DCAF8L2: variants seen among roughly 807,000 people sequenced by gnomAD.
DCAF8L2 encodes DDB1- and CUL4-associated factor 8-like protein 2.
For synonymous variants in DCAF8L2, 200 were observed against 190.9 expected (o/e 1.05, Z -0.39); for missense variants, 430 against 490.7 (o/e 0.88, Z 1.17).
the DCAF8L2 span, among the ~76,000 whole-genome samples, chrX:27,524,258 G>C: frequency 5.4e-5 from 6 of 111,855 alleles, no homozygotes; most frequent in African/African-American, 1.9e-4. Context: ...TTAGTCTTGG[G>C]AGGGTGTATA....
At chrX:27,587,205 T>G (rs906552048), upstream of DCAF8L2, among the ~76,000 whole-genome samples, 9 of 111,702 alleles carry the variant, frequency 8.1e-5, no homozygotes, top group Non-Finnish European at 1.1e-4. Flanking sequence ...ATAGTTACAT[T>G]TAAAGAAATA....
At position 27,748,328 on chromosome X, in the gene DCAF8L2, A is replaced by G. The variant is rs775333139; in HGVS notation, c.1433A>G (p.Tyr478Cys). Residue 478 changes from tyrosine to cysteine, a missense_variant, in exon 5 of 5, where the codon TAT becomes TGT. Tyr to Cys is a radical substitution (Grantham distance 194, BLOSUM62 -2). Transcript: ENST00000451261. ...NNTTVKGVNFYGPRSEFVVSG... is the reference protein window; with the variant it reads ...NNTTVKGVNFCGPRSEFVVSG... ...ACCACAGTCAAAGGTGTTAATTTCT[A>G]TGGCCCCAGGAGTGAGTTTGTAGTG... 45 of 1,207,768 alleles carry G rather than the reference A, an allele frequency of 3.7e-5. No homozygotes were observed. The highest frequency in any genetic ancestry group is 4.6e-4 in the Middle Eastern group (2 of 4,350).
At chrX:27,692,940 T>C (rs1310315296) in intron 3 of DCAF8L2, among the ~76,000 whole-genome samples, 1 of 111,489 alleles carries the variant, frequency 9.0e-6, no homozygotes, top group Non-Finnish European at 1.9e-5. Flanking sequence ...TGAGAAAGCT[T>C]GCCTGAATCC....
the DCAF8L2 span, among the ~76,000 whole-genome samples, chrX:27,563,578 C>T: frequency 8.9e-6 from 1 of 112,162 alleles, no homozygotes; most frequent in Non-Finnish European, 1.9e-5. Flanking sequence ...GGCATTCCCT[C>T]TTTGGTGCAG....
the DCAF8L2 span, among the ~76,000 whole-genome samples, chrX:27,555,248 G>GA: frequency 8.9e-6 from 1 of 111,846 alleles, no homozygotes; most frequent in African/African-American, 3.3e-5. Context: ...AGGCCCAACA[G>GA]AAAAAAAGGC....
At chrX:27,622,769 G>T (rs947786063) in intron 1 of DCAF8L2, among the ~76,000 whole-genome samples, 1 of 106,283 alleles carries the variant, frequency 9.4e-6, no homozygotes, top group East Asian at 3.2e-4. Context: ...TACAATTCTG[G>T]TTATCTTTGG....
At chrX:27,600,017 A>T (rs1358069810) in intron 1 of DCAF8L2, among the ~76,000 whole-genome samples, 1 of 112,238 alleles carries the variant, frequency 8.9e-6, no homozygotes, top group Non-Finnish European at 1.9e-5. Context: ...GCAAGAAAGC[A>T]AATGAATGAT....
chrX:27,558,045 T>C, the DCAF8L2 span, among the ~76,000 whole-genome samples: 5 of 111,125 alleles, frequency 4.5e-5, no homozygotes, highest in Non-Finnish European at 9.4e-5. Context: ...ACCATATATG[T>C]TGGGCTTAGT....
Position 27,748,000 on chromosome X carries a change from C to T in DCAF8L2, c.1105C>T (p.Leu369=). ...AAGAGAAAATGATAAGAAAGTGGGA[C>T]TGTATACAATTACTGTGAATCCCGC... ...VTRENDKKVG[L]YTITVNPANT... Residue 369 remains leucine (L), a synonymous_variant, in exon 5 of 5, where the codon CTG becomes TTG. Coordinates refer to ENST00000451261, the MANE Select transcript of DCAF8L2 (RefSeq NM_001353450.2). 1 of 1,211,527 alleles carries T rather than the reference C, an allele frequency of 8.3e-7. No homozygotes were observed. Among genetic ancestry groups the T allele is most frequent in the Non-Finnish European group, 1.1e-6 (1 of 895,297 alleles).
chrX:27,746,687 C>A, intron 4 of DCAF8L2, 151 bp from the exon 5 acceptor site: 1 of 387,834 alleles, frequency 2.6e-6, no homozygotes, highest in Non-Finnish European at 4.4e-6. Flanking sequence ...AGGTAAGAAG[C>A]TTTTTGAACC....
intron 2 of DCAF8L2, among the ~76,000 whole-genome samples, chrX:27,651,289 T>G (rs1929138183): frequency 9.0e-6 from 1 of 110,785 alleles, no homozygotes; most frequent in African/African-American, 3.3e-5. Flanking sequence ...GGTTTTGGTA[T>G]CAGGGTGATG....
At chrX:27,574,652 C>T in the DCAF8L2 span, among the ~76,000 whole-genome samples, 4 of 112,019 alleles carry the variant, frequency 3.6e-5, no homozygotes, top group African/African-American at 1.3e-4. Flanking sequence ...CTTCTATAGT[C>T]CACTGTTCTG....
intron 1 of DCAF8L2, among the ~76,000 whole-genome samples, chrX:27,592,417 G>GTTTTTTTTTTTTTTTGGTTTTTTT (rs1248208449): frequency 2.4e-5 from 2 of 83,952 alleles, no homozygotes; most frequent in Non-Finnish European, 4.4e-5. Flanking sequence ...GTTTGTTTTT[G>GTTTTTTTTTTTTTTTGGTTTTTTT]TTTTTTTTTT....
intron 1 of DCAF8L2, among the ~76,000 whole-genome samples, chrX:27,597,660 C>G (rs1376551558): frequency 8.9e-6 from 1 of 111,934 alleles, no homozygotes; most frequent in African/African-American, 3.2e-5. Flanking sequence ...GAATCGCATT[C>G]CATTTTAGAC....
At chrX:27,549,226 AT>A in the DCAF8L2 span, among the ~76,000 whole-genome samples, 9 of 110,836 alleles carry the variant, frequency 8.1e-5, no homozygotes, top group South Asian at 3.8e-4. Context: ...CACTCTTAAA[AT>A]TTTTTTTTCT....
the DCAF8L2 span, among the ~76,000 whole-genome samples, chrX:27,475,625 A>AT: frequency 8.9e-6 from 1 of 111,928 alleles, no homozygotes; most frequent in African/African-American, 3.3e-5. Context: ...TGGCTGGAAT[A>AT]ATAATACGAC....
intron 3 of DCAF8L2, chrX:27,712,690 C>G (rs1291113056): frequency 9.0e-6 from 1 of 111,584 alleles, no homozygotes; most frequent in Non-Finnish European, 1.9e-5. Flanking sequence ...CAGTGCTGGT[C>G]ACTTGGTCCC....
At chrX:27,594,291 T>A (rs1295835196) in intron 1 of DCAF8L2, among the ~76,000 whole-genome samples, 1 of 111,956 alleles carries the variant, frequency 8.9e-6, no homozygotes, top group Non-Finnish European at 1.9e-5. Flanking sequence ...TCTAGCTCCA[T>A]AATTCAGCAT....
chrX:27,530,286 C>T, the DCAF8L2 span, among the ~76,000 whole-genome samples: 25 of 110,248 alleles, frequency 2.3e-4, no homozygotes, highest in East Asian at 7.2e-3. Flanking sequence ...TACAGAAGTC[C>T]CTTGCAAGAT....
Sources: allele counts gnomAD v4.1 joint callset (sites outside exome capture counted in the v4.1 genomes callset), GRCh38; gene constraint gnomAD v4.1.1; transcripts MANE v1.5; gene names NCBI Gene and HGNC (gene_info 2026-07-23, HGNC 2026-07-21).